ARHGEF28: variants seen among roughly 807,000 people sequenced by gnomAD.
ARHGEF28 encodes the protein Rho guanine nucleotide exchange factor 28, also known as 190 kDa guanine nucleotide exchange factor.
In ARHGEF28, 152 loss-of-function variants were observed where a neutral mutation model predicts 206.6. The observed-to-expected ratio is 0.74, with a 90% CI of 0.64 to 0.84. The LOEUF (loss-of-function observed/expected upper bound fraction) is 0.84. Ranked by LOEUF, ARHGEF28 falls within the 40% of genes least tolerant of loss-of-function variation. ARHGEF28 has a pLI of 0.00. For synonymous variants in ARHGEF28, 763 were observed against 776.4 expected, an observed-to-expected ratio of 0.98 and a Z score of 0.29; for missense variants, 2,028 against 2,073.2, an observed-to-expected ratio of 0.98 and a Z score of 0.42.
chr5:73,707,768 A>C (rs892839734), intron 2 of ARHGEF28, among the ~76,000 whole-genome samples: 13 of 152,198 alleles, frequency 8.5e-5, no homozygotes, highest in Non-Finnish European at 1.8e-4. Flanking sequence ...GTTCTAATTA[A>C]GCTAAATACA....
intron 18 of ARHGEF28, 37 bp from the exon 19 acceptor site, chr5:73,867,839 C>A: frequency 6.2e-7 from 1 of 1,613,244 alleles, no homozygotes; most frequent in Non-Finnish European, 8.5e-7. Context: ...TAATTACTGA[C>A]CTGGAAACCA....
At chr5:73,687,691 T>G (rs1747560472) in intron 2 of ARHGEF28, among the ~76,000 whole-genome samples, 1 of 151,898 alleles carries the variant, frequency 6.6e-6, no homozygotes, top group Non-Finnish European at 1.5e-5. Flanking sequence ...TCTCTTAGTT[T>G]ACTAAATTTT....
Position 73,859,618 on chromosome 5 carries a change from A to T in ARHGEF28, c.2047+1399A>T, listed in dbSNP as rs1759264904. On this transcript the variant is annotated intron_variant, in intron 16 of 35. Transcript: ENST00000513042. ...AAACTTGATTTCTTTCTTTTCCTGG[A>T]TCTGAAGTAGCATCAGGCTGCTCAG... is the stretch of plus-strand genomic sequence containing the variant. Among the ~76,000 whole-genome samples the T allele has an allele frequency of 5.9e-5, 9 of 152,224 alleles. No individual in the cohort carries two copies. The South Asian group carries it at 1.9e-3, about 32-fold the overall frequency.
At chr5:73,670,904 T>C (rs1746263277) in intron 1 of ARHGEF28, among the ~76,000 whole-genome samples, 1 of 152,202 alleles carries the variant, frequency 6.6e-6, no homozygotes, top group Admixed American at 6.5e-5. Context: ...TTTCTCCCAC[T>C]CTGGAGCATG....
chr5:73,799,307 A>G (rs1235100025), intron 9 of ARHGEF28, among the ~76,000 whole-genome samples: 1 of 152,234 alleles, frequency 6.6e-6, no homozygotes, highest in Admixed American at 6.5e-5. Flanking sequence ...ACAAAGATGC[A>G]TAAACCATCA....
intron 1 of ARHGEF28, among the ~76,000 whole-genome samples, chr5:73,683,766 C>T (rs1375620417): frequency 6.6e-6 from 1 of 152,126 alleles, no homozygotes; most frequent in Non-Finnish European, 1.5e-5. Flanking sequence ...ACTATCTTGT[C>T]ACTATGCTAT....
intron 1 of ARHGEF28, among the ~76,000 whole-genome samples, chr5:73,676,222 C>G (rs966413002): frequency 2.7e-5 from 4 of 150,882 alleles, no homozygotes; most frequent in African/African-American, 9.7e-5. Flanking sequence ...AGGCCCCCAC[C>G]ACCACACCCA....
chr5:73,714,259 A>G lies in ARHGEF28; in HGVS notation c.33+29375A>G, dbSNP rs544762976. Among the ~76,000 whole-genome samples the G allele has an allele frequency of 2.6e-5, 4 of 152,366 alleles. No individual in the cohort carries two copies. In the South Asian group the frequency reaches 8.3e-4, roughly 32 times the overall value. On this transcript the variant is annotated intron_variant, in intron 2 of 35. Coordinates refer to ENST00000513042, the MANE Select transcript of ARHGEF28 (RefSeq NM_001177693.2). ...GATAGGAAGTATGAGGGCAGGATAT[A>G]AAGAACAAAGAAATCAGTTTCTAGC...
At chr5:73,891,824 C>T (rs745692670) in intron 26 of ARHGEF28, among the ~76,000 whole-genome samples, 3 of 152,156 alleles carry the variant, frequency 2.0e-5, no homozygotes, top group Non-Finnish European at 4.4e-5. Context: ...TGGGCCCGGC[C>T]TAAACCACCA....
At chr5:73,773,423 A>G (rs1030469141) in intron 4 of ARHGEF28, among the ~76,000 whole-genome samples, 1 of 152,180 alleles carries the variant, frequency 6.6e-6, no homozygotes, top group Non-Finnish European at 1.5e-5. Flanking sequence ...AAAGGGTGGA[A>G]ACGGAAGTCC....
chr5:73,738,424 T>A (rs2112367845), intron 2 of ARHGEF28, among the ~76,000 whole-genome samples: 1 of 152,216 alleles, frequency 6.6e-6, no homozygotes, highest in East Asian at 1.9e-4. Context: ...GGATTCCCAG[T>A]ATCTTACAAT....
At chr5:73,858,287 CA>C in intron 16 of ARHGEF28, 68 bp downstream of exon 16, 1 of 1,503,766 alleles carries the variant, frequency 6.6e-7, no homozygotes, top group African/African-American at 1.4e-5. Flanking sequence ...GGAAGAGGCT[CA>C]TTGCTCAATA....
At chr5:73,694,476 T>C (rs1164368498) in intron 2 of ARHGEF28, among the ~76,000 whole-genome samples, 1 of 152,252 alleles carries the variant, frequency 6.6e-6, no homozygotes, top group Non-Finnish European at 1.5e-5. Context: ...TGTTTGAGTT[T>C]TTAAAATGTT....
chr5:73,695,382 A>C (rs1501675), intron 2 of ARHGEF28, among the ~76,000 whole-genome samples: 3,934 of 151,588 alleles, frequency 0.026, 194 homozygotes, highest in African/African-American at 0.091. Context: ...GAGCTCATCT[A>C]TTCTTGTTAT....
intron 2 of ARHGEF28, among the ~76,000 whole-genome samples, chr5:73,714,756 C>T (rs1749471320): frequency 6.6e-6 from 1 of 152,172 alleles, no homozygotes; most frequent in Non-Finnish European, 1.5e-5. Flanking sequence ...GTCACCATCA[C>T]CCAGAGCAAG....
At chr5:73,741,053 A>G (rs1751348198) in intron 2 of ARHGEF28, among the ~76,000 whole-genome samples, 1 of 152,098 alleles carries the variant, frequency 6.6e-6, no homozygotes, top group Non-Finnish European at 1.5e-5. Flanking sequence ...CCAAGCCAGT[A>G]CATTTCCCAC....
chr5:73,699,384 A>G (rs956139063), intron 2 of ARHGEF28, among the ~76,000 whole-genome samples: 1 of 151,926 alleles, frequency 6.6e-6, no homozygotes, highest in African/African-American at 2.4e-5. Flanking sequence ...AGAGAGAGAA[A>G]GAGAACGAAA....
At chr5:73,859,663 A>G (rs1417610804) in intron 16 of ARHGEF28, among the ~76,000 whole-genome samples, 1 of 152,094 alleles carries the variant, frequency 6.6e-6, no homozygotes, top group East Asian at 1.9e-4. Flanking sequence ...AACTTCCTAC[A>G]TTTTTAGAGA....
chr5:73,808,292 CG>C (rs1360508539), intron 9 of ARHGEF28, among the ~76,000 whole-genome samples: 1 of 152,088 alleles, frequency 6.6e-6, no homozygotes, highest in Non-Finnish European at 1.5e-5. Context: ...ATTCACACCT[CG>C]GGGTGGCTGT....
Sources: gnomAD v4.1 joint callset for allele counts (sites outside exome capture counted in the v4.1 genomes callset) on GRCh38, gnomAD v4.1.1 for gene constraint, MANE v1.5 for transcripts, NCBI Gene and HGNC (gene_info 2026-07-23, HGNC 2026-07-21) for gene names.